OR51B5: variants seen among roughly 807,000 people sequenced by gnomAD.
The protein encoded by OR51B5 is olfactory receptor family 51 subfamily B member 5, also known as olfactory receptor 51B5.
For synonymous variants in OR51B5, 186 were observed against 144.8 expected, an observed-to-expected ratio of 1.28 and a Z score of -2.04; for missense variants, 456 against 374.6, an observed-to-expected ratio of 1.22 and a Z score of -1.79.
At chr11:5,448,908 A>G (rs1850806783) in intron 1 of OR51B5, among the ~76,000 whole-genome samples, 2 of 152,260 alleles carry the variant, frequency 1.3e-5, no homozygotes, top group Admixed American at 1.3e-4. Context: ...CAGAAAATTT[A>G]AAGAACAGAG....
chr11:5,348,927 G>C (rs890309745), intron 1 of OR51B5, among the ~76,000 whole-genome samples: 1 of 152,136 alleles, frequency 6.6e-6, no homozygotes, highest in Non-Finnish European at 1.5e-5. Flanking sequence ...AGACAGAAAA[G>C]AGTGTCAGGA....
At chr11:5,402,528 A>G (rs1306768997) in intron 1 of OR51B5, 1 of 388,974 alleles carries the variant, frequency 2.6e-6, no homozygotes, top group Non-Finnish European at 5.3e-6. Flanking sequence ...TTTCTTCATA[A>G]TGATGTCATC....
intron 1 of OR51B5, chr11:5,362,595 G>A: frequency 6.7e-6 from 1 of 149,610 alleles, no homozygotes; most frequent in Non-Finnish European, 1.5e-5. Context: ...CAGAGTGGTG[G>A]CTTAGCCTGC....
intron 1 of OR51B5, among the ~76,000 whole-genome samples, chr11:5,407,972 T>TATTCAC (rs1850084607): frequency 6.6e-6 from 1 of 152,136 alleles, no homozygotes; most frequent in Admixed American, 6.5e-5. Flanking sequence ...ATTTTGAAAA[T>TATTCAC]ATTCACTTTC....
intron 1 of OR51B5, chr11:5,402,931 A>G (rs1849994447): frequency 2.1e-6 from 1 of 471,214 alleles, no homozygotes; most frequent in African/African-American, 2.0e-5. Flanking sequence ...TTCTTTATCC[A>G]TGATGGAGCC....
chr11:5,400,796 A>G (rs143898006), intron 1 of OR51B5, among the ~76,000 whole-genome samples: 1 of 152,354 alleles, frequency 6.6e-6, no homozygotes, highest in East Asian at 1.9e-4. Flanking sequence ...GGTCCTTGAC[A>G]TAGAGGTGTG....
At chr11:5,390,412 T>TAA in intron 1 of OR51B5, 1 of 1,514,548 alleles carries the variant, frequency 6.6e-7, no homozygotes, top group Non-Finnish European at 8.9e-7. Context: ...TAGAGGCCTA[T>TAA]AAGAAGGCCC....
At chr11:5,422,169 A>G (rs1850349712) in intron 1 of OR51B5, 4 of 1,470,038 alleles carry the variant, frequency 2.7e-6, no homozygotes, top group Non-Finnish European at 3.7e-6. Flanking sequence ...CCCTGAGTGA[A>G]GATCCTGAAT....
At chr11:5,389,281 G>T (rs76916051) in intron 1 of OR51B5, 14 of 960,970 alleles carry the variant, frequency 1.5e-5, no homozygotes, top group Non-Finnish European at 2.2e-5. Flanking sequence ...TAAGGGTGGA[G>T]TAGATAATAC....
chr11:5,454,148 C>T (rs753973848), intron 1 of OR51B5: 2 of 1,614,062 alleles, frequency 1.2e-6, no homozygotes, highest in East Asian at 4.5e-5. Context: ...CCTATGTGCT[C>T]ATTCTGCGTT....
At chr11:5,351,388 C>A in intron 1 of OR51B5, 1 of 701,468 alleles carries the variant, frequency 1.4e-6, no homozygotes, top group Non-Finnish European at 2.4e-6. Context: ...CTTGCTGTCA[C>A]TGAAAGTCAG....
chr11:5,503,637 T>C (rs1846330714), intron 1 of OR51B5, among the ~76,000 whole-genome samples: 1 of 152,200 alleles, frequency 6.6e-6, no homozygotes, highest in South Asian at 2.1e-4. Flanking sequence ...ATTCTTTTTG[T>C]CATTAAATAT....
intron 1 of OR51B5, among the ~76,000 whole-genome samples, chr11:5,471,635 CA>C (rs34498667): frequency 0.042 from 5,204 of 124,262 alleles, 265 homozygotes; most frequent in African/African-American, 0.14. Flanking sequence ...GACTCTGTCT[CA>C]AAAAAAAAAA....
At chr11:5,353,743 G>C (rs906648622) in intron 1 of OR51B5, among the ~76,000 whole-genome samples, 6 of 152,218 alleles carry the variant, frequency 3.9e-5, no homozygotes, top group African/African-American at 1.4e-4. Flanking sequence ...CAGTCAGCTG[G>C]ATGCCCCTCA....
At chr11:5,357,012 C>T (rs1166649655) in intron 1 of OR51B5, among the ~76,000 whole-genome samples, 1 of 152,064 alleles carries the variant, frequency 6.6e-6, no homozygotes, top group Non-Finnish European at 1.5e-5. Flanking sequence ...GTACCAGCCA[C>T]TGCAAAAACA....
Position 5,497,042 on chromosome 11 carries a change from TAAAA to T in OR51B5, n.84+8523_84+8526del, listed in dbSNP as rs199964356. Among the ~76,000 whole-genome samples the T allele has an allele frequency of 6.7e-4, 102 of 151,292 alleles. 1 individual carries two copies. Among genetic ancestry groups the T allele is most frequent in the Middle Eastern group, 3.4e-3 (1 of 294 alleles). On this transcript the variant is annotated intron_variant and non_coding_transcript_variant, in intron 1 of 4. Coordinates refer to the OR51B5 transcript ENST00000415970. The stretch of plus-strand genomic sequence containing the variant: ...CCACAGAAGATGGTGAATCAATGTT[TAAAA>T]AAAAAAAAAAAAAAAAAAAGAGAGA...
chr11:5,476,355 A>G (rs1851305276), intron 1 of OR51B5, among the ~76,000 whole-genome samples: 1 of 152,212 alleles, frequency 6.6e-6, no homozygotes, highest in South Asian at 2.1e-4. Flanking sequence ...CACACAAGTG[A>G]CAACACCAGC....
chr11:5,474,590 G>T (rs1198459629), intron 1 of OR51B5, among the ~76,000 whole-genome samples: 1 of 152,040 alleles, frequency 6.6e-6, no homozygotes, highest in African/African-American at 2.4e-5. Flanking sequence ...CTTGTTTGTT[G>T]TTTACCCAGA....
chr11:5,431,234 G>A (rs1006169597), intron 1 of OR51B5: 31 of 342,402 alleles, frequency 9.1e-5, no homozygotes, highest in African/African-American at 3.6e-4. Flanking sequence ...GCTACAAAGC[G>A]GTCATAGCTC....
Sources: gnomAD v4.1 joint callset for allele counts (sites outside exome capture counted in the v4.1 genomes callset) on GRCh38, gnomAD v4.1.1 for gene constraint, MANE v1.5 for transcripts, NCBI Gene and HGNC (gene_info 2026-07-23, HGNC 2026-07-21) for gene names.